The following VTI1A variants were observed in gnomAD, a reference collection of about 807,000 sequenced individuals.
The protein encoded by VTI1A is vesicle transport through interaction with t-SNAREs 1A.
A neutral mutation model predicts 34.9 loss-of-function variants in VTI1A; 22 were observed. That is an observed-to-expected ratio of 0.63 (90% confidence interval 0.45 to 0.90). The LOEUF is 0.90. Among genes scored for constraint, VTI1A ranks in the 40% least tolerant of loss-of-function variants. The pLI is 0.00. For synonymous variants in VTI1A, 87 were observed against 97.3 expected, an observed-to-expected ratio of 0.89 and a Z score of 0.62; for missense variants, 268 against 275.6, an observed-to-expected ratio of 0.97 and a Z score of 0.20.
chr10:112,591,537 C>CACACACAA (rs758504431), intron 5 of VTI1A, among the ~76,000 whole-genome samples: 2 of 152,062 alleles, frequency 1.3e-5, no homozygotes, highest in Non-Finnish European at 2.9e-5. Flanking sequence ...CACACACACA[C>CACACACAA]AAAACGAAGA....
At chr10:112,574,983 T>C (rs1852277724) in intron 5 of VTI1A, among the ~76,000 whole-genome samples, 1 of 152,196 alleles carries the variant, frequency 6.6e-6, no homozygotes, top group African/African-American at 2.4e-5. Flanking sequence ...TTTTACCAGA[T>C]AAAATAAGGC....
chr10:112,648,986 T>C (rs1016464918), intron 5 of VTI1A, among the ~76,000 whole-genome samples: 1 of 152,160 alleles, frequency 6.6e-6, no homozygotes, highest in Non-Finnish European at 1.5e-5. Flanking sequence ...ATTTAGATAT[T>C]TGGGGTATTT....
At chr10:112,636,598 G>C (rs1054740814) in intron 5 of VTI1A, among the ~76,000 whole-genome samples, 2 of 152,036 alleles carry the variant, frequency 1.3e-5, no homozygotes, top group South Asian at 4.2e-4. Flanking sequence ...ATGTGGTGGT[G>C]CGCACCTGTA....
intron 5 of VTI1A, among the ~76,000 whole-genome samples, chr10:112,572,020 A>G (rs941696956): frequency 3.3e-5 from 5 of 151,414 alleles, no homozygotes; most frequent in African/African-American, 1.2e-4. Flanking sequence ...CTGAAAAATT[A>G]TTGTTGGGTA....
chr10:112,791,814 G>A (rs1410420614), intron 7 of VTI1A, among the ~76,000 whole-genome samples: 4 of 134,256 alleles, frequency 3.0e-5, no homozygotes, highest in Non-Finnish European at 4.7e-5. Flanking sequence ...CTCCTGTAAA[G>A]TAAGATTAAA....
intron 7 of VTI1A, among the ~76,000 whole-genome samples, chr10:112,812,523 G>T (rs778527697): frequency 1.3e-5 from 2 of 152,168 alleles, no homozygotes; most frequent in Non-Finnish European, 1.5e-5. Flanking sequence ...GCCCACCAAT[G>T]CCAGCCTGTA....
chr10:112,788,251 T>C (rs1852355125), intron 7 of VTI1A, among the ~76,000 whole-genome samples: 1 of 152,110 alleles, frequency 6.6e-6, no homozygotes, highest in African/African-American at 2.4e-5. Flanking sequence ...GGTGGTGAAA[T>C]CTCTGAGTAT....
intron 7 of VTI1A, among the ~76,000 whole-genome samples, chr10:112,733,315 C>T (rs1850334869): frequency 6.6e-6 from 1 of 151,972 alleles, no homozygotes; most frequent in Non-Finnish European, 1.5e-5. Flanking sequence ...TTATGCAACC[C>T]TCATGTCTAC....
At chr10:112,562,293 T>C (rs1296115127) in intron 5 of VTI1A, among the ~76,000 whole-genome samples, 2 of 152,164 alleles carry the variant, frequency 1.3e-5, no homozygotes, top group African/African-American at 4.8e-5. Flanking sequence ...TAAGCCTTAA[T>C]GTTTGTTCGA....
chr10:112,504,296 C>G (rs1172401156), intron 3 of VTI1A, among the ~76,000 whole-genome samples: 1 of 152,176 alleles, frequency 6.6e-6, no homozygotes, highest in African/African-American at 2.4e-5. Context: ...ACTACTGTTA[C>G]GAATTGTTTG....
intron 3 of VTI1A, among the ~76,000 whole-genome samples, chr10:112,477,647 G>GT (rs1848318318): frequency 6.6e-6 from 1 of 152,246 alleles, no homozygotes; most frequent in Non-Finnish European, 1.5e-5. Flanking sequence ...GCTTTGGAAA[G>GT]TCACATTGCA....
intron 7 of VTI1A, chr10:112,736,736 A>G (rs2133968882): frequency 6.4e-7 from 1 of 1,551,406 alleles, no homozygotes; most frequent in Non-Finnish European, 8.7e-7. Flanking sequence ...TTGTTCTGTG[A>G]AAAAACAATG....
In VTI1A at chr10:112,665,877, C is replaced by T. The variant is rs141845632; in HGVS notation, c.428-2341C>T. ...CTGGCCACAGACACAATAGTAATAA[C>T]GTATTTCCTCTTCATTTTAGATTAC... On this transcript the variant is annotated intron_variant, in intron 5 of 7. Transcript: ENST00000393077. Among the ~76,000 whole-genome samples, 160 of 152,188 alleles carry T rather than the reference C, an allele frequency of 1.1e-3. 1 individual carries two copies. Among genetic ancestry groups the T allele is most frequent in the African/African-American group, 3.7e-3 (154 of 41,526 alleles).
chr10:112,502,289 C>T (rs1046660639), intron 3 of VTI1A, among the ~76,000 whole-genome samples: 5 of 152,036 alleles, frequency 3.3e-5, no homozygotes, highest in Non-Finnish European at 7.4e-5. Flanking sequence ...CCACTTTGTC[C>T]TCCCAAAGTG....
intron 3 of VTI1A, 128 bp from the exon 4 acceptor site, chr10:112,526,959 G>A (rs1850250297): frequency 4.0e-6 from 3 of 744,374 alleles, no homozygotes; most frequent in East Asian, 2.7e-5. Flanking sequence ...TTGGTGTGCA[G>A]ATTGTAGCCA....
chr10:112,799,500 G>A (rs1256691053), intron 7 of VTI1A, among the ~76,000 whole-genome samples: 1 of 152,186 alleles, frequency 6.6e-6, no homozygotes, highest in Non-Finnish European at 1.5e-5. Context: ...AAAAAGGGCA[G>A]ATGCCCCTGT....
chr10:112,687,017 C>A (rs542845766), intron 7 of VTI1A, among the ~76,000 whole-genome samples: 1 of 151,982 alleles, frequency 6.6e-6, no homozygotes, highest in Non-Finnish European at 1.5e-5. Flanking sequence ...CTGTGGGCAC[C>A]GCTGTAACCT....
chr10:112,755,112 G>A lies in VTI1A; in HGVS notation c.561-60178G>A, dbSNP rs937974305. Among the ~76,000 whole-genome samples the A allele has an allele frequency of 4.8e-4, 73 of 152,220 alleles. 1 individual carries two copies. Among genetic ancestry groups the A allele is most frequent in the Admixed American group, 4.6e-3 (71 of 15,282 alleles). On this transcript the variant is annotated intron_variant, in intron 7 of 7. Coordinates refer to ENST00000393077, the MANE Select transcript of VTI1A (RefSeq NM_145206.4). ...TATACTAAAAGTACAAAAATTAGCC[G>A]GGCATGGTGGCACACGCCTGTAATC...
chr10:112,529,844 T>A (rs1850361350), intron 4 of VTI1A, among the ~76,000 whole-genome samples: 1 of 152,108 alleles, frequency 6.6e-6, no homozygotes, highest in Non-Finnish European at 1.5e-5. Flanking sequence ...ACATCCTCCT[T>A]ATAGTTGCTT....
Sources: gnomAD v4.1 joint callset for allele counts (sites outside exome capture counted in the v4.1 genomes callset) on GRCh38, gnomAD v4.1.1 for gene constraint, MANE v1.5 for transcripts, NCBI Gene and HGNC (gene_info 2026-07-23, HGNC 2026-07-21) for gene names.